The following SGSM3 variants were observed in gnomAD, a reference collection of about 807,000 sequenced individuals.
SGSM3 encodes the protein small G protein signaling modulator 3, also known as RUN and SH3 containing 3.
In SGSM3, 96 loss-of-function variants were observed where a neutral mutation model predicts 100.5. The observed-to-expected ratio is 0.96, with a 90% CI of 0.81 to 1.13. The LOEUF (loss-of-function observed/expected upper bound fraction) is 1.13, where lower values mean the gene tolerates loss of function less well. Ranked by LOEUF, SGSM3 falls within the 50% of genes most tolerant of loss-of-function variation. The pLI, the probability that SGSM3 is intolerant of heterozygous loss-of-function variation, is 0.00. For missense variants in SGSM3, 1,001 were observed against 1,015.8 expected, an observed-to-expected ratio of 0.99 and a Z score of 0.20; for synonymous variants, 483 against 422.8, an observed-to-expected ratio of 1.14 and a Z score of -1.75.
chr22:40,392,049 C>T (rs1191846704), intron 1 of SGSM3, among the ~76,000 whole-genome samples: 1 of 152,212 alleles, frequency 6.6e-6, no homozygotes, highest in Non-Finnish European at 1.5e-5. Context: ...TTCCTTTAAA[C>T]TGCTTTTAGT....
In SGSM3 at chr22:40,409,534, T is replaced by G; in HGVS notation, c.2172+9T>G. 1 of 1,604,568 alleles carries G rather than the reference T, an allele frequency of 6.2e-7. No homozygotes were observed. The highest frequency in any genetic ancestry group is 8.5e-7 in the Non-Finnish European group (1 of 1,176,224). On this transcript the variant is annotated intron_variant, in intron 21 of 21. Transcript: ENST00000248929. Reference sequence around the variant, plus strand: ...TCCCTGCGAAGAGAGAGGTGGGTGGTGTGGGCCTCGTAGGGCCTGCACTGA... The same window carrying G: ...TCCCTGCGAAGAGAGAGGTGGGTGGGGTGGGCCTCGTAGGGCCTGCACTGA...
chr22:40,394,284 C>A (rs1007604206), intron 1 of SGSM3, among the ~76,000 whole-genome samples: 1 of 152,196 alleles, frequency 6.6e-6, no homozygotes, highest in Non-Finnish European at 1.5e-5. Flanking sequence ...TTTCTAACCC[C>A]AAAATCTGCT....
chr22:40,405,873 A>G, intron 8 of SGSM3, 29 bp downstream of exon 8: 1 of 1,592,468 alleles, frequency 6.3e-7, no homozygotes. Flanking sequence ...ACTGGCTCCC[A>G]TTCTGCAGCT....
At chr22:40,395,817 T>C (rs1017621873) in intron 1 of SGSM3, among the ~76,000 whole-genome samples, 2 of 152,250 alleles carry the variant, frequency 1.3e-5, no homozygotes, top group African/African-American at 4.8e-5. Context: ...TACCTCTGAT[T>C]GTGTCTTGAA....
intron 1 of SGSM3, among the ~76,000 whole-genome samples, chr22:40,396,056 TATTC>T (rs2050005126): frequency 6.6e-6 from 1 of 152,196 alleles, no homozygotes; most frequent in Non-Finnish European, 1.5e-5. Context: ...TTGAAAAAGG[TATTC>T]ATATATTTTT....
rs2051688308 is a variant in SGSM3 at position 40,407,167 on chromosome 22, G to T, written c.1241-34G>T. The T allele has an allele frequency of 2.5e-6, 4 of 1,612,948 alleles. No homozygotes were observed. Among genetic ancestry groups the T allele is most frequent in the African/African-American group, 2.7e-5 (2 of 74,904 alleles). On this transcript the variant is annotated intron_variant, in intron 11 of 21. Transcript: ENST00000248929. This position sits in a 1 kb window ranked among gnomAD's most constrained non-coding sequence, Gnocchi z 4.7. Reference sequence around the variant, plus strand: ...GCTTCCTCCTCGGGGGCCTGGAGTGGGCTGTGGTCACCATGGTTCTCTGGG... The same window carrying T: ...GCTTCCTCCTCGGGGGCCTGGAGTGTGCTGTGGTCACCATGGTTCTCTGGG...
At chr22:40,388,726 C>T (rs1341481279) in intron 1 of SGSM3, among the ~76,000 whole-genome samples, 2 of 151,874 alleles carry the variant, frequency 1.3e-5, no homozygotes, top group African/African-American at 2.4e-5. Flanking sequence ...GCAGCCTCAA[C>T]TAGAAAGTAG....
rs778645919 is a variant in SGSM3, at chr22:40,407,377, C to G, written c.1369-36C>G. Reference sequence around the variant, plus strand: ...GCTACCAAACACGGCCCTAACTCCTCCAACCCCCTTGGTGGGCCTGTGTTC... The same window carrying G: ...GCTACCAAACACGGCCCTAACTCCTGCAACCCCCTTGGTGGGCCTGTGTTC... On this transcript the variant is annotated intron_variant, in intron 12 of 21. Coordinates refer to ENST00000248929, the MANE Select transcript of SGSM3 (RefSeq NM_015705.6). This position sits in a 1 kb window ranked among gnomAD's most constrained non-coding sequence, Gnocchi z 4.7. 2 of 1,612,008 alleles carry G rather than the reference C, an allele frequency of 1.2e-6. No individual in the cohort carries two copies. The highest frequency in any genetic ancestry group is 1.7e-6 in the Non-Finnish European group (2 of 1,178,964).
intron 17 of SGSM3, 41 bp from the exon 18 acceptor site, chr22:40,408,753 G>A (rs759132984): frequency 1.2e-6 from 2 of 1,613,756 alleles, no homozygotes; most frequent in African/African-American, 1.3e-5. Flanking sequence ...GGCGGGGCCT[G>A]ACCCAGCCCC....
At position 40,406,488 on chromosome 22, in the gene SGSM3, A is replaced by G. The variant is rs1388046175; in HGVS notation, c.1011A>G (p.Leu337=). Reference sequence around the variant, plus strand: ...ACTCGGCCTCCATCTTCAACACGCTATCGGATATCCCGTCGCAGATGGAGG... The same window carrying G: ...ACTCGGCCTCCATCTTCAACACGCTGTCGGATATCCCGTCGCAGATGGAGG... ...SENSASIFNT[L]SDIPSQMEDA... The change falls in exon 10 of 22, where the codon CTA becomes CTG. Residue 337 remains leucine, a synonymous_variant. Transcript: ENST00000248929. 39 of 1,610,072 alleles carry G rather than the reference A, an allele frequency of 2.4e-5. No individual in the cohort carries two copies. The highest frequency in any genetic ancestry group is 2.9e-5 in the Non-Finnish European group (34 of 1,177,988).
chr22:40,400,631 G>A, intron 1 of SGSM3, 65 bp from the exon 2 acceptor site: 3 of 605,268 alleles, frequency 5.0e-6, no homozygotes, highest in East Asian at 3.5e-5. Flanking sequence ...GTGACCAAGC[G>A]AGACTCTGTC....
At chr22:40,406,736 C>CG in intron 10 of SGSM3, 74 bp downstream of exon 10, 1 of 1,279,060 alleles carries the variant, frequency 7.8e-7, no homozygotes, top group Non-Finnish European at 1.1e-6. Context: ...GTTCAGAGCG[C>CG]GGGGGCTGCG....
intron 1 of SGSM3, among the ~76,000 whole-genome samples, chr22:40,384,261 CA>C (rs954759900): frequency 6.7e-6 from 1 of 148,324 alleles, no homozygotes; most frequent in Non-Finnish European, 1.5e-5. Context: ...ACAACAACGA[CA>C]AAAAAAAAGG....
rs1277483687 is a variant in SGSM3 at position 40,399,132 on chromosome 22, C to T, written c.-111-1564C>T. ...TCAAGTAGCTGCGATTACAGGGATG[C>T]ATCACCATGCCTGGCTAATTTTTTT... is the stretch of plus-strand genomic sequence containing the variant. On this transcript the variant is annotated intron_variant, in intron 1 of 21. Transcript: ENST00000248929. 2.1e-5 allele frequency among the ~76,000 whole-genome samples: 3 copies of T among 140,640 alleles called. 1 individual carries two copies. The highest frequency in any genetic ancestry group is 4.6e-5 in the Non-Finnish European group (3 of 64,938). 92.3% of individuals were successfully genotyped at this position (140,640 alleles called of 152,430 possible).
chr22:40,409,319 G>T lies in SGSM3; in HGVS notation c.2058G>T (p.Gln686His). The T allele has an allele frequency of 6.2e-7, 1 of 1,613,262 alleles. No individual in the cohort carries two copies. The change falls in exon 20 of 22, where the codon CAG (glutamine) becomes CAT (histidine). Residue 686 changes from glutamine (Q) to histidine (H), a missense_variant. Gln to His is a conservative substitution (Grantham distance 24). Coordinates refer to ENST00000248929, the MANE Select transcript of SGSM3 (RefSeq NM_015705.6). ...SSLPTVEKWY[Q>H]PWSFLRSPGW... ...TGCCCACCGTGGAGAAGTGGTACCA[G>T]CCCTGGTCCTTCCTGCGCAGCCCGG...
At chr22:40,398,647 A>G (rs1304479419) in intron 1 of SGSM3, among the ~76,000 whole-genome samples, 1 of 141,592 alleles carries the variant, frequency 7.1e-6, no homozygotes, top group African/African-American at 2.6e-5. Context: ...CTAGGCTGTA[A>G]TGGATGAATA....
intron 1 of SGSM3, among the ~76,000 whole-genome samples, chr22:40,383,263 C>A (rs1488547904): frequency 6.6e-6 from 1 of 151,958 alleles, no homozygotes. Context: ...GTCAGGAGAT[C>A]AAGACCATCC....
chr22:40,378,586 A>T (rs558663149), intron 1 of SGSM3, among the ~76,000 whole-genome samples: 43 of 150,842 alleles, frequency 2.9e-4, no homozygotes, highest in Non-Finnish European at 5.8e-4. Flanking sequence ...ACAAAAAATT[A>T]GCCGGGTGTG....
intron 4 of SGSM3, 58 bp downstream of exon 4, chr22:40,402,263 C>T (rs754820223): frequency 3.4e-5 from 44 of 1,297,622 alleles, no homozygotes; most frequent in Admixed American, 1.3e-4. Context: ...GAGGACTCCG[C>T]TCCCTTGACT....
Sources: allele counts gnomAD v4.1 joint callset (sites outside exome capture counted in the v4.1 genomes callset), GRCh38; gene constraint gnomAD v4.1.1; non-coding constraint Gnocchi (gnomAD v3.1); transcripts MANE v1.5; gene names NCBI Gene and HGNC (gene_info 2026-07-23, HGNC 2026-07-21).